Variants in GPR89B observed in about 807,000 individuals in gnomAD.
GPR89B encodes golgi pH regulator B, also known as G protein-coupled receptor 89B.
In GPR89B, 25 loss-of-function variants were observed where a neutral mutation model predicts 52.4. The observed-to-expected ratio is 0.48, with a 90% confidence interval of 0.35 to 0.67. The LOEUF (loss-of-function observed/expected upper bound fraction) is 0.67. GPR89B is among the 30% of genes least tolerant of loss of function. The pLI is 0.01. For missense variants in GPR89B, 146 were observed against 450.2 expected, an observed-to-expected ratio of 0.32 and a Z score of 6.11; for synonymous variants, 52 against 151.2, an observed-to-expected ratio of 0.34 and a Z score of 4.81.
chr1:147,968,895 G>A lies in GPR89B; in HGVS notation c.748G>A (p.Glu250Lys), dbSNP rs1266439835. ...GSENLTLIQQ[E>K]VDALEELSRQ... ...GCCAGATCTTACTCTTATTCAACAGGAAGTGGATGCTTTGGAAGAATTAAG... is the reference window on the plus strand; with the variant it reads ...GCCAGATCTTACTCTTATTCAACAGAAAGTGGATGCTTTGGAAGAATTAAG... The change falls in exon 9 of 14, where the codon GAA (glutamate) becomes AAA (lysine). Residue 250 changes from glutamate to lysine, a missense_variant. Coordinates refer to ENST00000314163, the MANE Select transcript of GPR89B (RefSeq NM_016334.5). 1.7e-5 allele frequency: 28 copies of A among 1,611,144 alleles called. No individual in the cohort carries two copies. The highest frequency in any genetic ancestry group is 2.3e-5 in the Non-Finnish European group (27 of 1,178,132).
At chr1:148,008,933 G>A in the GPR89B span, among the ~76,000 whole-genome samples, 1 of 152,062 alleles carries the variant, frequency 6.6e-6, no homozygotes, top group Non-Finnish European at 1.5e-5. Context: ...AAAAAAAAAA[G>A]ATACCAATCT....
At chr1:147,950,106 T>TG (rs1655500579) in intron 5 of GPR89B, among the ~76,000 whole-genome samples, 1 of 147,786 alleles carries the variant, frequency 6.8e-6, no homozygotes, top group Non-Finnish European at 1.5e-5. Context: ...ACGGGGTGGC[T>TG]GCCGGGCAGA....
chr1:148,002,047 T>TG, the GPR89B span, among the ~76,000 whole-genome samples: 19 of 151,574 alleles, frequency 1.3e-4, no homozygotes, highest in Non-Finnish European at 2.5e-4. Context: ...GCTTTTTTTT[T>TG]TTTTTTTTTA....
At chr1:148,000,775 TAA>T in the GPR89B span, among the ~76,000 whole-genome samples, 153 of 72,530 alleles carry the variant, frequency 2.1e-3, 1 homozygote, top group African/African-American at 4.9e-3. Flanking sequence ...GTGTTAAAAG[TAA>T]AAAAAAAAAA....
At chr1:148,020,900 C>G in the GPR89B span, among the ~76,000 whole-genome samples, 1 of 151,528 alleles carries the variant, frequency 6.6e-6, no homozygotes, top group African/African-American at 2.4e-5. Flanking sequence ...GTTGGCTAGG[C>G]TGATCTTGAA....
intron 3 of GPR89B, among the ~76,000 whole-genome samples, chr1:147,941,767 A>T (rs1453915341): frequency 1.3e-5 from 2 of 151,622 alleles, no homozygotes; most frequent in Non-Finnish European, 2.9e-5. Context: ...TTTCACATTG[A>T]CCATTAGAAA....
At chr1:147,955,140 T>C (rs1656023849) in intron 7 of GPR89B, among the ~76,000 whole-genome samples, 1 of 151,844 alleles carries the variant, frequency 6.6e-6, no homozygotes, top group Non-Finnish European at 1.5e-5. Flanking sequence ...ATTCCACATA[T>C]AAGTGAGAAC....
intron 9 of GPR89B, 129 bp downstream of exon 9, chr1:147,969,092 G>A (rs1227631795): frequency 3.0e-6 from 2 of 677,810 alleles, no homozygotes; most frequent in African/African-American, 1.9e-5. Flanking sequence ...CAGCCATGAA[G>A]CATTAGGGAT....
chr1:147,942,139 T>C (rs1654606083), intron 3 of GPR89B, among the ~76,000 whole-genome samples: 3 of 151,956 alleles, frequency 2.0e-5, no homozygotes, highest in Admixed American at 2.0e-4. Context: ...AATTAAAAAA[T>C]GAATAAAGGA....
At chr1:147,982,196 G>T (rs2149089213) in intron 10 of GPR89B, among the ~76,000 whole-genome samples, 1 of 151,572 alleles carries the variant, frequency 6.6e-6, no homozygotes, top group South Asian at 2.1e-4. Context: ...AGTAGCTCAG[G>T]TTACAGGCAC....
the GPR89B span, chr1:148,014,438 C>T: frequency 1.3e-5 from 2 of 151,184 alleles, 1 homozygote; most frequent in African/African-American, 4.9e-5. Context: ...GCGAACCCAG[C>T]CGCCGGATAG....
At position 147,968,863 on chromosome 1, in the gene GPR89B, A is replaced by G. The variant is rs1187308706; in HGVS notation, c.728-12A>G. 3.1e-6 allele frequency: 5 copies of G among 1,612,720 alleles called. No homozygotes were observed. Among genetic ancestry groups the G allele is most frequent in the South Asian group, 1.1e-5 (1 of 91,046 alleles). On this transcript the variant is annotated splice_polypyrimidine_tract_variant and intron_variant, in intron 8 of 13. Coordinates refer to ENST00000314163, the MANE Select transcript of GPR89B (RefSeq NM_016334.5). Reference sequence around the variant, plus strand: ...CTATGTGATTAAAACCTTGATGCCCATTCTGTGCCAGATCTTACTCTTATT... The same window carrying G: ...CTATGTGATTAAAACCTTGATGCCCGTTCTGTGCCAGATCTTACTCTTATT...
downstream of GPR89B, chr1:147,994,304 C>T (rs1444042290): frequency 1.3e-6 from 2 of 1,524,316 alleles, no homozygotes; most frequent in Admixed American, 1.7e-5. Context: ...GTTTTCATCA[C>T]ATCTCTGTAT....
At chr1:148,015,351 T>C in the GPR89B span, among the ~76,000 whole-genome samples, 2 of 144,630 alleles carry the variant, frequency 1.4e-5, no homozygotes, top group Non-Finnish European at 3.0e-5. Flanking sequence ...AGTCTCTCTC[T>C]GTCACCAGGC....
chr1:147,949,702 C>T (rs1553250550), intron 5 of GPR89B, among the ~76,000 whole-genome samples: 1 of 136,466 alleles, frequency 7.3e-6, no homozygotes, highest in Non-Finnish European at 1.6e-5. Flanking sequence ...GCGGACGGGG[C>T]AGCTGGCCGG....
chr1:147,993,585 A>T lies in GPR89B; in HGVS notation c.*668A>T, dbSNP rs1175916264. On this transcript the variant is annotated 3_prime_UTR_variant, in exon 14 of 14. Coordinates refer to ENST00000314163, the MANE Select transcript of GPR89B (RefSeq NM_016334.5). ...AACTTAGTATTATACCCTACTTTCA[A>T]TTCGGTAGTGATGTTTCCTTTTTTT... The T allele has an allele frequency of 6.3e-6, 1 of 159,222 alleles. No individual in the cohort carries two copies. Among genetic ancestry groups the T allele is most frequent in the Non-Finnish European group, 1.4e-5 (1 of 71,938 alleles). 9.9% of individuals were successfully genotyped at this position (159,222 alleles called of 1,614,324 possible). A position where few individuals can be genotyped will look rare whatever the true frequency, so the allele number is the denominator to read the frequency against.
intron 5 of GPR89B, among the ~76,000 whole-genome samples, chr1:147,951,655 G>T (rs1182523759): frequency 6.6e-6 from 1 of 151,962 alleles, no homozygotes; most frequent in Admixed American, 6.5e-5. Flanking sequence ...TGAAAGAGGT[G>T]GAAGGGATTG....
At chr1:147,950,947 GGGGAGAGGGAGATGGGGGAGAGGGAGA>G (rs1364243397) in intron 5 of GPR89B, among the ~76,000 whole-genome samples, 1 of 152,048 alleles carries the variant, frequency 6.6e-6, no homozygotes, top group African/African-American at 2.4e-5. Flanking sequence ...GGGAGACCGT[GGGGAGAGGGAGATGGGGGAGAGGGAGA>G]GGGAGAGGGA....
At chr1:147,997,220 A>G (rs1382342219), downstream of GPR89B, among the ~76,000 whole-genome samples, 1 of 152,052 alleles carries the variant, frequency 6.6e-6, no homozygotes, top group African/African-American at 2.4e-5. Flanking sequence ...AAAACACAAG[A>G]CACTTGTGAT....
Sources: gnomAD v4.1 joint callset for allele counts (sites outside exome capture counted in the v4.1 genomes callset) on GRCh38, gnomAD v4.1.1 for gene constraint, MANE v1.5 for transcripts, NCBI Gene and HGNC (gene_info 2026-07-23, HGNC 2026-07-21) for gene names.